Variants in AIM2 observed in about 807,000 individuals in gnomAD.
The protein encoded by AIM2 is interferon-inducible protein AIM2.
In AIM2, 30 loss-of-function variants were observed where a neutral mutation model predicts 27.7. The ratio of observed to expected loss-of-function variants is 1.08; its 90% confidence interval spans 0.81 to 1.47. AIM2 has a LOEUF of 1.47. Ranked by LOEUF, AIM2 falls within the 40% of genes most tolerant of loss-of-function variation. The pLI is 0.00. For synonymous variants in AIM2, 141 were observed against 145.3 expected, an observed-to-expected ratio of 0.97 and a Z score of 0.21; for missense variants, 358 against 411.3, an observed-to-expected ratio of 0.87 and a Z score of 1.12.
intron 1 of AIM2, among the ~76,000 whole-genome samples, chr1:159,082,588 C>T (rs1025364511): frequency 3.3e-5 from 5 of 152,064 alleles, no homozygotes; most frequent in Non-Finnish European, 7.4e-5. Context: ...CCACACCTAG[C>T]AAGATGATGG....
At chr1:159,094,881 C>A (rs1182635197) in intron 1 of AIM2, among the ~76,000 whole-genome samples, 1 of 151,616 alleles carries the variant, frequency 6.6e-6, no homozygotes, top group Non-Finnish European at 1.5e-5. Context: ...TATTTGGGGC[C>A]AATTATTCTT....
intron 1 of AIM2, among the ~76,000 whole-genome samples, chr1:159,107,713 A>G (rs554495411): frequency 6.6e-6 from 1 of 152,306 alleles, no homozygotes; most frequent in East Asian, 1.9e-4. Flanking sequence ...AAGAAACGAA[A>G]TGGGAGATAT....
intron 1 of AIM2, among the ~76,000 whole-genome samples, chr1:159,123,878 G>T (rs1392500781): frequency 1.3e-5 from 2 of 152,114 alleles, no homozygotes; most frequent in Non-Finnish European, 2.9e-5. Context: ...GATAACAGTA[G>T]ATTTTTTTCT....
chr1:159,105,522 G>A (rs1267888483), intron 1 of AIM2, among the ~76,000 whole-genome samples: 2 of 152,184 alleles, frequency 1.3e-5, no homozygotes, highest in Non-Finnish European at 2.9e-5. Flanking sequence ...GACAACTGGA[G>A]GGTGAGCAAG....
chr1:159,122,601 A>C (rs1647566063), intron 1 of AIM2, among the ~76,000 whole-genome samples: 1 of 152,202 alleles, frequency 6.6e-6, no homozygotes, highest in South Asian at 2.1e-4. Flanking sequence ...CCTGGGATCC[A>C]CTTGTTCAGA....
chr1:159,100,111 T>C (rs1162552923), intron 1 of AIM2, among the ~76,000 whole-genome samples: 3 of 152,182 alleles, frequency 2.0e-5, no homozygotes. Context: ...TCCAGAAACA[T>C]GGTCTGCCCT....
chr1:159,096,807 G>C (rs1039910360), intron 1 of AIM2, among the ~76,000 whole-genome samples: 2 of 152,130 alleles, frequency 1.3e-5, no homozygotes, highest in African/African-American at 4.8e-5. Context: ...TCAAGACTTA[G>C]AGGTAACTTT....
In AIM2 at chr1:159,097,158, G is replaced by A. The variant is rs1657198191; in HGVS notation, c.-15-30829C>T. On this transcript the variant is annotated intron_variant, in intron 1 of 2. Coordinates refer to the AIM2 transcript ENST00000368129. ...AACCGCTAAGTCTTGTAACTGTGTA[G>A]TCTCTGAGACCTGACATTCCTTACT... is the stretch of plus-strand genomic sequence containing the variant. Among the ~76,000 whole-genome samples, 6 of 152,160 alleles carry A rather than the reference G, an allele frequency of 3.9e-5. No homozygotes were observed. The South Asian group carries it at 1.2e-3, about 32-fold the overall frequency.
intron 1 of AIM2, among the ~76,000 whole-genome samples, chr1:159,113,165 C>T (rs960306874): frequency 1.3e-5 from 2 of 152,056 alleles, no homozygotes; most frequent in African/African-American, 2.4e-5. Flanking sequence ...AGGATGGTCT[C>T]GATCTCTTTA....
chr1:159,055,919 C>G, the AIM2 span, among the ~76,000 whole-genome samples: 2 of 152,022 alleles, frequency 1.3e-5, no homozygotes, highest in African/African-American at 4.8e-5. Flanking sequence ...TCTTAATGAC[C>G]CTTAGATGGT....
chr1:159,130,887 G>A (rs970405042), intron 1 of AIM2, among the ~76,000 whole-genome samples: 1 of 150,386 alleles, frequency 6.6e-6, no homozygotes, highest in African/African-American at 2.5e-5. Context: ...TTTTCTCTTA[G>A]GATAAAATCC....
intron 1 of AIM2, among the ~76,000 whole-genome samples, chr1:159,106,538 C>T (rs963331358): frequency 3.3e-5 from 5 of 152,154 alleles, no homozygotes; most frequent in Non-Finnish European, 5.9e-5. Context: ...TTCTGAAAGC[C>T]TTGTAGAAAA....
At chr1:159,056,712 A>C in the AIM2 span, among the ~76,000 whole-genome samples, 1 of 105,954 alleles carries the variant, frequency 9.4e-6, no homozygotes, top group African/African-American at 3.4e-5. Flanking sequence ...CAAAAGCCCA[A>C]CCGGCAAAAA....
intron 1 of AIM2, among the ~76,000 whole-genome samples, chr1:159,103,634 C>A (rs1657361195): frequency 6.6e-6 from 1 of 152,168 alleles, no homozygotes. Context: ...CTGAAATAAT[C>A]ATTTTCCTTA....
chr1:159,118,902 G>A (rs911684648), intron 1 of AIM2, among the ~76,000 whole-genome samples: 4 of 151,562 alleles, frequency 2.6e-5, no homozygotes, highest in South Asian at 2.1e-4. Flanking sequence ...TTTTTGCATC[G>A]GTAACAAACA....
intron 1 of AIM2, among the ~76,000 whole-genome samples, chr1:159,116,010 T>A (rs1433950515): frequency 1.3e-5 from 2 of 151,970 alleles, no homozygotes; most frequent in African/African-American, 4.8e-5. Context: ...ACCCCATCAA[T>A]AAGTGGACAA....
At chr1:159,139,025 CAGA>C (rs1648063936) in intron 1 of AIM2, among the ~76,000 whole-genome samples, 1 of 152,176 alleles carries the variant, frequency 6.6e-6, no homozygotes, top group African/African-American at 2.4e-5. Context: ...TTATCACACA[CAGA>C]AGAATTTTTA....
chr1:159,075,649 T>A (rs978800902), intron 1 of AIM2, among the ~76,000 whole-genome samples: 5 of 151,822 alleles, frequency 3.3e-5, no homozygotes, highest in Non-Finnish European at 5.9e-5. Flanking sequence ...ATAGAGGTTT[T>A]GCTTTTGGAA....
At chr1:159,079,873 C>T (rs1481353071), upstream of AIM2, among the ~76,000 whole-genome samples, 1 of 152,172 alleles carries the variant, frequency 6.6e-6, no homozygotes, top group Non-Finnish European at 1.5e-5. Flanking sequence ...CTGGCAACCA[C>T]TGATCTTTTT....
Sources: allele counts gnomAD v4.1 joint callset (sites outside exome capture counted in the v4.1 genomes callset), GRCh38; gene constraint gnomAD v4.1.1; transcripts MANE v1.5; gene names NCBI Gene and HGNC (gene_info 2026-07-23, HGNC 2026-07-21).